The following GALNT13 variants were observed in gnomAD, a reference collection of about 807,000 sequenced individuals.
GALNT13 encodes the protein UDP-GalNAc:polypeptide N-acetylgalactosaminyltransferase 13.
GALNT13 carries 28 observed loss-of-function variants against 64.2 expected under a neutral mutation model. The ratio of observed to expected loss-of-function variants is 0.44; its 90% CI spans 0.32 to 0.60. The LOEUF (loss-of-function observed/expected upper bound fraction) is 0.60, where lower values mean the gene tolerates loss of function less well. GALNT13 is among the 20% of genes least tolerant of loss of function. The pLI, the probability that GALNT13 is intolerant of heterozygous loss-of-function variation, is 0.05. For missense variants in GALNT13, 577 were observed against 669.8 expected, an observed-to-expected ratio of 0.86 and a Z score of 1.53; for synonymous variants, 214 against 224.6, an observed-to-expected ratio of 0.95 and a Z score of 0.42.
chr2:154,007,219 G>T (rs1393737820), intron 3 of GALNT13, among the ~76,000 whole-genome samples: 1 of 152,200 alleles, frequency 6.6e-6, no homozygotes, highest in Admixed American at 6.5e-5. Flanking sequence ...GTGAGCAGCT[G>T]TCAACTGACA....
the GALNT13 span, among the ~76,000 whole-genome samples, chr2:153,348,659 C>T: frequency 6.6e-6 from 1 of 152,132 alleles, no homozygotes; most frequent in Non-Finnish European, 1.5e-5. Context: ...CACATAGTGC[C>T]TGCCTTAGAA....
intron 8 of GALNT13, among the ~76,000 whole-genome samples, chr2:154,299,438 T>C (rs1693288940): frequency 6.6e-6 from 1 of 151,200 alleles, no homozygotes; most frequent in African/African-American, 2.4e-5. Context: ...ATGAGGAAGT[T>C]ATCAATCAAT....
chr2:153,089,073 G>A, the GALNT13 span, among the ~76,000 whole-genome samples: 5 of 152,100 alleles, frequency 3.3e-5, no homozygotes, highest in Admixed American at 2.0e-4. Flanking sequence ...TAGGTCATGT[G>A]AAATGCATCA....
chr2:153,085,086 C>T, the GALNT13 span, among the ~76,000 whole-genome samples: 1 of 152,120 alleles, frequency 6.6e-6, no homozygotes, highest in Admixed American at 6.5e-5. Context: ...GTCACTCTTT[C>T]TATGCAAAGA....
intron 9 of GALNT13, among the ~76,000 whole-genome samples, chr2:154,342,806 T>C (rs944275150): frequency 5.4e-5 from 8 of 149,122 alleles, no homozygotes; most frequent in African/African-American, 2.0e-4. Context: ...GTAAAGTGTA[T>C]TATATAATTA....
chr2:153,820,312 G>C, the GALNT13 span, among the ~76,000 whole-genome samples: 1 of 152,008 alleles, frequency 6.6e-6, no homozygotes, highest in African/African-American at 2.4e-5. Flanking sequence ...AAACATATCT[G>C]AGAGAATAAT....
At chr2:153,806,677 T>A in the GALNT13 span, among the ~76,000 whole-genome samples, 2 of 120,878 alleles carry the variant, frequency 1.7e-5, no homozygotes, top group Admixed American at 1.0e-4. Flanking sequence ...ACCTGTCAAT[T>A]TGTAAAAAAA....
the GALNT13 span, among the ~76,000 whole-genome samples, chr2:153,645,006 T>G: frequency 2.2e-4 from 34 of 152,150 alleles, no homozygotes; most frequent in African/African-American, 5.8e-4. Context: ...TGTCAGTGTT[T>G]CTTCTTTTAA....
chr2:154,325,199 C>CCCTGAA (rs1694819096), intron 9 of GALNT13, among the ~76,000 whole-genome samples: 1 of 151,996 alleles, frequency 6.6e-6, no homozygotes, highest in South Asian at 2.1e-4. Flanking sequence ...ACATCCTTAT[C>CCCTGAA]CCTGAACCTA....
the GALNT13 span, among the ~76,000 whole-genome samples, chr2:153,384,804 AAATT>A: frequency 6.6e-6 from 1 of 151,972 alleles, no homozygotes; most frequent in East Asian, 1.9e-4. Context: ...TCTTTTTTTC[AAATT>A]AATTCAAAAG....
chr2:154,429,768 A>T (rs1274701406), intron 11 of GALNT13, among the ~76,000 whole-genome samples: 1 of 152,212 alleles, frequency 6.6e-6, no homozygotes, highest in Non-Finnish European at 1.5e-5. Flanking sequence ...TTCAAAAGAC[A>T]GGCTGATTCT....
chr2:154,028,801 A>C (rs1446007398), intron 3 of GALNT13, among the ~76,000 whole-genome samples: 2 of 152,050 alleles, frequency 1.3e-5, no homozygotes, highest in Non-Finnish European at 2.9e-5. Flanking sequence ...CTTACTTCCA[A>C]ATCCTTTTTG....
At chr2:153,428,267 G>C in the GALNT13 span, among the ~76,000 whole-genome samples, 2 of 152,162 alleles carry the variant, frequency 1.3e-5, no homozygotes, top group Non-Finnish European at 2.9e-5. Flanking sequence ...CATCTGCTTG[G>C]CTTCCTGGTG....
intron 10 of GALNT13, among the ~76,000 whole-genome samples, chr2:154,400,258 T>TA (rs1394361178): frequency 7.2e-5 from 11 of 152,150 alleles, no homozygotes; most frequent in Non-Finnish European, 5.9e-5. Flanking sequence ...CTTAAATAAT[T>TA]AGAGTCCCAA....
At chr2:154,441,975 A>G (rs915499676) in intron 12 of GALNT13, among the ~76,000 whole-genome samples, 3 of 152,284 alleles carry the variant, frequency 2.0e-5, no homozygotes, top group Non-Finnish European at 2.9e-5. Flanking sequence ...AGATTCTGGC[A>G]GTAAATCCAG....
chr2:153,778,085 T>C, the GALNT13 span, among the ~76,000 whole-genome samples: 1 of 152,168 alleles, frequency 6.6e-6, no homozygotes, highest in Non-Finnish European at 1.5e-5. Context: ...AACTGCCTTG[T>C]TCCACAAGTC....
chr2:154,104,718 G>A (rs1237529740), intron 3 of GALNT13, among the ~76,000 whole-genome samples: 5 of 152,150 alleles, frequency 3.3e-5, no homozygotes, highest in East Asian at 1.9e-4. Context: ...ACAGCTCTCC[G>A]GGACCTACTA....
chr2:153,987,875 A>G (rs1379234720), intron 3 of GALNT13, among the ~76,000 whole-genome samples: 1 of 151,920 alleles, frequency 6.6e-6, no homozygotes, highest in Non-Finnish European at 1.5e-5. Context: ...GTACTAAATT[A>G]ATAGTATTGA....
chr2:153,271,786 C>G, the GALNT13 span, among the ~76,000 whole-genome samples: 1 of 151,924 alleles, frequency 6.6e-6, no homozygotes, highest in Non-Finnish European at 1.5e-5. Context: ...CATATGGAAC[C>G]AAAAAAGAGT....
Sources: allele counts gnomAD v4.1 joint callset (sites outside exome capture counted in the v4.1 genomes callset), GRCh38; gene constraint gnomAD v4.1.1; transcripts MANE v1.5; gene names NCBI Gene and HGNC (gene_info 2026-07-23, HGNC 2026-07-21).